MCM5: variants seen among roughly 807,000 people sequenced by gnomAD.
MCM5 encodes the protein DNA replication licensing factor MCM5.
A neutral mutation model predicts 79.9 loss-of-function variants in MCM5; 46 were observed. That is an observed-to-expected ratio of 0.58 (90% CI 0.45 to 0.74). The LOEUF is 0.74. Among genes scored for constraint, MCM5 ranks in the 30% least tolerant of loss-of-function variants. MCM5 has a pLI of 0.00. For synonymous variants in MCM5, 404 were observed against 390.5 expected (o/e 1.03, Z -0.41); for missense variants, 883 against 1,017.0 (o/e 0.87, Z 1.79).
the MCM5 span, among the ~76,000 whole-genome samples, chr22:35,445,432 G>A: frequency 7.3e-6 from 1 of 137,704 alleles, no homozygotes; most frequent in Admixed American, 8.1e-5. Flanking sequence ...GGGTTCAAGT[G>A]ATTCTCCTGT....
chr22:35,440,166 C>G, the MCM5 span, among the ~76,000 whole-genome samples: 6 of 152,150 alleles, frequency 3.9e-5, no homozygotes, highest in African/African-American at 1.4e-4. Flanking sequence ...GATACTTAGA[C>G]TTTAAAAGAA....
chr22:35,424,429 G>A lies in MCM5; in HGVS notation c.*174G>A, dbSNP rs999948059. 2 of 558,168 alleles carry A rather than the reference G, an allele frequency of 3.6e-6. No homozygotes were observed. The highest frequency in any genetic ancestry group is 6.3e-6 in the Non-Finnish European group (2 of 318,986). The allele number at this position is 558,168 out of a possible 1,614,324, so 34.6% of individuals were successfully genotyped here. A position where few individuals can be genotyped will look rare whatever the true frequency, so the allele number is the denominator to read the frequency against. ...CTGTAGTGTCCTGCTGCCTCTGGGC[G>A]CCCGCCTCTAGCGCGGTTCTGGGAA... On this transcript the variant is annotated 3_prime_UTR_variant, in exon 17 of 17. Coordinates refer to ENST00000216122, the MANE Select transcript of MCM5 (RefSeq NM_006739.4).
At chr22:35,400,276 A>G in intron 1 of MCM5, 68 bp downstream of exon 1, 1 of 731,448 alleles carries the variant, frequency 1.4e-6, no homozygotes, top group Non-Finnish European at 2.3e-6. Context: ...GTGTAGTTGG[A>G]GTGGGACAGG....
At chr22:35,454,874 C>G in the MCM5 span, among the ~76,000 whole-genome samples, 654 of 152,122 alleles carry the variant, frequency 4.3e-3, 2 homozygotes, top group Non-Finnish European at 6.7e-3. Context: ...TGGTCTCCAC[C>G]CACTAGATGC....
the MCM5 span, among the ~76,000 whole-genome samples, chr22:35,437,868 G>C: frequency 6.6e-6 from 1 of 152,154 alleles, no homozygotes; most frequent in Non-Finnish European, 1.5e-5. Flanking sequence ...TACCAGCCAG[G>C]TTGGAAAGTG....
At chr22:35,454,633 G>A in the MCM5 span, among the ~76,000 whole-genome samples, 2 of 152,222 alleles carry the variant, frequency 1.3e-5, no homozygotes, top group African/African-American at 2.4e-5. Flanking sequence ...TCCCCACTGT[G>A]TGATTTTGGA....
Position 35,416,408 on chromosome 22 carries a change from A to G in MCM5, c.1413+4A>G. The G allele has an allele frequency of 1.9e-6, 3 of 1,613,286 alleles. No homozygotes were observed. The highest frequency in any genetic ancestry group is 2.5e-6 in the Non-Finnish European group (3 of 1,179,930). On this transcript the variant is annotated splice_donor_region_variant and intron_variant, in intron 11 of 16. Transcript: ENST00000216122. Reference sequence around the variant, plus strand: ...GCAGACCATCTCTATCGCCAAGGTGAGTGGCCCTCCATGGAGAGCCCAGCC... The same window carrying G: ...GCAGACCATCTCTATCGCCAAGGTGGGTGGCCCTCCATGGAGAGCCCAGCC...
chr22:35,436,186 A>G, the MCM5 span, among the ~76,000 whole-genome samples: 2 of 149,422 alleles, frequency 1.3e-5, no homozygotes, highest in Non-Finnish European at 3.0e-5. Context: ...AAAAAAAAGA[A>G]AAAAAGAAAA....
intron 4 of MCM5, among the ~76,000 whole-genome samples, chr22:35,405,378 T>C (rs189764689): frequency 5.5e-4 from 84 of 151,964 alleles, no homozygotes; most frequent in Non-Finnish European, 8.8e-4. Context: ...TGAATCTCTT[T>C]TTTTTTGAGA....
chr22:35,438,721 A>ATCCATCCG, the MCM5 span, among the ~76,000 whole-genome samples: 1 of 151,240 alleles, frequency 6.6e-6, no homozygotes, highest in African/African-American at 2.4e-5. Context: ...CCATCCATCC[A>ATCCATCCG]TCCATCCATC....
At position 35,419,944 on chromosome 22, in the gene MCM5, C is replaced by CA; in HGVS notation, c.1765dup (p.Met589AsnfsTer13). The CA allele has an allele frequency of 1.2e-6, 2 of 1,613,402 alleles. No individual in the cohort carries two copies. The stretch of plus-strand genomic sequence containing the variant: ...AGAAACTGAAGAACCGCTACATCAT[C>CA]ATGCGGAGCGGGGCCCGTCAGCACG... On this transcript the variant is annotated frameshift_variant, in exon 14 of 17. Coordinates refer to ENST00000216122, the MANE Select transcript of MCM5 (RefSeq NM_006739.4). LOFTEE classifies it high-confidence loss of function.
intron 14 of MCM5, 126 bp downstream of exon 14, chr22:35,420,138 G>T: frequency 1.8e-6 from 2 of 1,129,624 alleles, no homozygotes; most frequent in Non-Finnish European, 2.4e-6. Flanking sequence ...GCTCTGGGCA[G>T]GAAGAGTCCC....
chr22:35,444,515 A>G, the MCM5 span, among the ~76,000 whole-genome samples: 99 of 152,284 alleles, frequency 6.5e-4, no homozygotes, highest in African/African-American at 2.3e-3. Flanking sequence ...GTCGCGGCCC[A>G]GAGCTTGGCG....
At position 35,413,898 on chromosome 22, in the gene MCM5, G is replaced by A. The variant is rs1328515233; in HGVS notation, c.1115G>A (p.Arg372Gln). 1.9e-6 allele frequency: 3 copies of A among 1,613,392 alleles called. No individual in the cohort carries two copies. The highest frequency in any genetic ancestry group is 8.5e-7 in the Non-Finnish European group (1 of 1,179,330). Residue 372 changes from arginine (R) to glutamine (Q), a missense_variant, in exon 9 of 17, where the codon CGA becomes CAA. Physicochemically the swap from Arg to Gln is conservative, Grantham distance 43. Transcript: ENST00000216122. The part of the protein sequence containing the change: ...RKRLPDGLTR[R>Q]GDINLLMLGD... ...AGGCTCCCTGATGGACTTACTCGCC[G>A]AGGAGACATCAACCTGCTGATGCTA...
intron 2 of MCM5, chr22:35,401,301 C>T (rs529233998): frequency 3.0e-5 from 13 of 435,952 alleles, no homozygotes; most frequent in African/African-American, 2.4e-4. Context: ...CTCAAGTTCC[C>T]TGTAGGTGTA....
At chr22:35,407,565 G>C (rs1932254702) in intron 5 of MCM5, among the ~76,000 whole-genome samples, 1 of 151,632 alleles carries the variant, frequency 6.6e-6, no homozygotes, top group African/African-American at 2.4e-5. Flanking sequence ...GGAATACACT[G>C]ACTACCCCCA....
rs1343286339 is a variant in MCM5, at chr22:35,410,619, C to T, written c.753-125C>T. ...CTCCGTGGGGCTGGAGCCAGCTCAG[C>T]ATGTGGTGCCTGTGGCAAAAATGCT... On this transcript the variant is annotated intron_variant, in intron 6 of 16. Coordinates refer to ENST00000216122, the MANE Select transcript of MCM5 (RefSeq NM_006739.4). The T allele has an allele frequency of 6.7e-6, 6 of 890,936 alleles. No homozygotes were observed. In the Admixed American group the frequency reaches 7.0e-5, roughly 10 times the overall value. The allele number at this position is 890,936 out of a possible 1,614,324, so 55.2% of individuals were successfully genotyped here.
downstream of MCM5, among the ~76,000 whole-genome samples, chr22:35,429,501 C>T (rs1319473683): frequency 6.6e-6 from 1 of 151,736 alleles, no homozygotes. Flanking sequence ...TTCTCTCCTG[C>T]CATTCCTCCT....
the MCM5 span, among the ~76,000 whole-genome samples, chr22:35,434,045 G>T: frequency 6.6e-6 from 1 of 152,302 alleles, no homozygotes; most frequent in East Asian, 1.9e-4. Context: ...ACTGAGTTTC[G>T]TGGGGAGAGA....
Sources: allele counts gnomAD v4.1 joint callset (sites outside exome capture counted in the v4.1 genomes callset), GRCh38; gene constraint gnomAD v4.1.1; transcripts MANE v1.5; gene names NCBI Gene and HGNC (gene_info 2026-07-23, HGNC 2026-07-21).